ANKS1B: variants seen among roughly 807,000 people sequenced by gnomAD.
ANKS1B encodes the protein ankyrin repeat and sterile alpha motif domain containing 1B.
In ANKS1B, 36 loss-of-function variants were observed where a neutral mutation model predicts 148.3. The ratio of observed to expected loss-of-function variants is 0.24; its 90% CI spans 0.19 to 0.32. ANKS1B has a LOEUF of 0.32. Ranked by LOEUF, ANKS1B falls within the 10% of genes least tolerant of loss-of-function variation. The pLI is 1.00. For missense variants in ANKS1B, 1,157 were observed against 1,542.6 expected (o/e 0.75, Z 4.19); for synonymous variants, 542 against 560.8 (o/e 0.97, Z 0.47).
At chr12:99,905,832 C>A (rs2093758567) in intron 1 of ANKS1B, among the ~76,000 whole-genome samples, 1 of 152,136 alleles carries the variant, frequency 6.6e-6, no homozygotes, top group East Asian at 1.9e-4. Context: ...AACTTAATTA[C>A]CTCTTTAAAG....
rs117312669 is a variant in ANKS1B at position 99,625,686 on chromosome 12, C to T, written c.1272+29381G>A. ...TCCAGTCTTACCAACTTCATGATAA[C>T]AATGCAGCTGGTGTAACTTAATATA... On this transcript the variant is annotated intron_variant, in intron 9 of 26. Coordinates refer to ENST00000683438, the MANE Select transcript of ANKS1B (RefSeq NM_001352186.2). 8.5e-3 allele frequency among the ~76,000 whole-genome samples: 1,296 copies of T among 152,096 alleles called. 9 individuals carry two copies. The highest frequency in any genetic ancestry group is 0.014 in the Non-Finnish European group (973 of 67,970).
At chr12:99,664,103 G>A (rs776400581) in intron 8 of ANKS1B, among the ~76,000 whole-genome samples, 2 of 150,756 alleles carry the variant, frequency 1.3e-5, no homozygotes, top group Admixed American at 6.6e-5. Context: ...TGCACAATAC[G>A]CAGAAGCTAA....
chr12:99,945,590 G>A (rs1373095529), intron 1 of ANKS1B, among the ~76,000 whole-genome samples: 1 of 152,170 alleles, frequency 6.6e-6, no homozygotes, highest in Non-Finnish European at 1.5e-5. Flanking sequence ...AATGAGCCAG[G>A]TCTGCGAGGC....
At chr12:99,544,535 T>C (rs1453530404) in intron 9 of ANKS1B, among the ~76,000 whole-genome samples, 1 of 152,194 alleles carries the variant, frequency 6.6e-6, no homozygotes, top group Non-Finnish European at 1.5e-5. Flanking sequence ...AAAGATCTAA[T>C]ACCACTTCCA....
chr12:99,824,923 C>T (rs550176419), intron 2 of ANKS1B, among the ~76,000 whole-genome samples: 1 of 152,118 alleles, frequency 6.6e-6, no homozygotes, highest in African/African-American at 2.4e-5. Context: ...GGGAGTCATG[C>T]TAAGTTTACA....
In ANKS1B at chr12:99,742,097, A is replaced by T. The variant is rs577669869; in HGVS notation, c.1128+30825T>A. Among the ~76,000 whole-genome samples, 21 of 151,974 alleles carry T rather than the reference A, an allele frequency of 1.4e-4. No homozygotes were observed. In the South Asian group the frequency reaches 4.2e-3, roughly 30 times the overall value. ...AGCGGAACAATACACACTGGAGCCT[A>T]TTGGAGGGTGGAAGGTGGTAGGAAG... On this transcript the variant is annotated intron_variant, in intron 8 of 26. Transcript: ENST00000683438.
intron 1 of ANKS1B, among the ~76,000 whole-genome samples, chr12:99,871,396 CTT>C (rs1376104931): frequency 6.6e-6 from 1 of 152,000 alleles, no homozygotes; most frequent in Non-Finnish European, 1.5e-5. Context: ...TATTTGGGCT[CTT>C]TTTTTAGTTC....
At chr12:99,240,573 T>C (rs970465724) in intron 14 of ANKS1B, among the ~76,000 whole-genome samples, 1 of 152,072 alleles carries the variant, frequency 6.6e-6, no homozygotes, top group Non-Finnish European at 1.5e-5. Flanking sequence ...ATAATAGACA[T>C]CTACAGAACT....
At chr12:99,308,605 CCTT>C (rs1205423615) in intron 12 of ANKS1B, among the ~76,000 whole-genome samples, 2 of 151,690 alleles carry the variant, frequency 1.3e-5, no homozygotes, top group Non-Finnish European at 2.9e-5. Context: ...AATTTTGGCT[CCTT>C]GTTTTTCCTC....
chr12:99,213,643 G>A (rs1014149239), intron 14 of ANKS1B, among the ~76,000 whole-genome samples: 1 of 152,206 alleles, frequency 6.6e-6, no homozygotes, highest in African/African-American at 2.4e-5. Context: ...ATTTGCAAGT[G>A]CCAAGGCCTT....
intron 16 of ANKS1B, among the ~76,000 whole-genome samples, chr12:99,079,536 C>A (rs999672556): frequency 7.9e-5 from 12 of 152,152 alleles, no homozygotes; most frequent in Admixed American, 2.0e-4. Context: ...GCACTAAGAT[C>A]AAGAGTCCTG....
intron 14 of ANKS1B, among the ~76,000 whole-genome samples, chr12:99,167,577 A>G (rs1434047413): frequency 3.3e-5 from 5 of 152,168 alleles, no homozygotes; most frequent in Non-Finnish European, 5.9e-5. Context: ...GCGAATTAAG[A>G]GAAACTCTCA....
At chr12:99,679,130 G>A (rs2098599128) in intron 8 of ANKS1B, among the ~76,000 whole-genome samples, 1 of 152,160 alleles carries the variant, frequency 6.6e-6, no homozygotes, top group South Asian at 2.1e-4. Flanking sequence ...ATCAAGTACA[G>A]ATTAAACATT....
chr12:99,455,587 G>A (rs1402787011), intron 10 of ANKS1B, among the ~76,000 whole-genome samples: 3 of 152,196 alleles, frequency 2.0e-5, no homozygotes, highest in Non-Finnish European at 4.4e-5. Flanking sequence ...CAGTGGGAAT[G>A]AGACTGGCCT....
chr12:99,178,953 A>C (rs962409021), intron 14 of ANKS1B, among the ~76,000 whole-genome samples: 2 of 152,232 alleles, frequency 1.3e-5, no homozygotes, highest in African/African-American at 4.8e-5. Flanking sequence ...GATAATAAAA[A>C]TAATGCTTTA....
intron 14 of ANKS1B, among the ~76,000 whole-genome samples, chr12:99,227,601 AG>A (rs945470357): frequency 6.6e-6 from 1 of 152,198 alleles, no homozygotes; most frequent in Non-Finnish European, 1.5e-5. Context: ...GGCAATTGTG[AG>A]CATCTGGCCG....
intron 1 of ANKS1B, among the ~76,000 whole-genome samples, chr12:99,901,216 T>C (rs866721086): frequency 6.6e-6 from 1 of 152,208 alleles, no homozygotes; most frequent in Non-Finnish European, 1.5e-5. Context: ...TTGGAATGAA[T>C]GAATGAAGAC....
At chr12:99,270,131 G>A (rs752795520) in intron 12 of ANKS1B, among the ~76,000 whole-genome samples, 7 of 152,340 alleles carry the variant, frequency 4.6e-5, no homozygotes, top group Non-Finnish European at 8.8e-5. Context: ...CAGTTAGGTT[G>A]ATCAGTGGGG....
At chr12:99,585,866 G>A (rs1272072551) in intron 9 of ANKS1B, among the ~76,000 whole-genome samples, 2 of 152,152 alleles carry the variant, frequency 1.3e-5, no homozygotes, top group African/African-American at 4.8e-5. Flanking sequence ...CACAGAGCAG[G>A]GAGGCCCTGG....
Sources: gnomAD v4.1 joint callset for allele counts (sites outside exome capture counted in the v4.1 genomes callset) on GRCh38, gnomAD v4.1.1 for gene constraint, MANE v1.5 for transcripts, NCBI Gene and HGNC (gene_info 2026-07-23, HGNC 2026-07-21) for gene names.